Variants in PTGER3 observed in about 807,000 individuals in gnomAD.
The protein encoded by PTGER3 is prostaglandin E receptor 3.
PTGER3 carries 22 observed loss-of-function variants against 34.7 expected under a neutral mutation model. That is an observed-to-expected ratio of 0.63 (90% CI 0.45 to 0.91). PTGER3 has a LOEUF of 0.91. Among genes scored for constraint, PTGER3 ranks in the 40% least tolerant of loss-of-function variants. The pLI is 0.00. For synonymous variants in PTGER3, 241 were observed against 230.1 expected, an observed-to-expected ratio of 1.05 and a Z score of -0.43; for missense variants, 468 against 519.4, an observed-to-expected ratio of 0.90 and a Z score of 0.96.
At chr1:71,011,749 C>G in intron 2 of PTGER3, 1 of 982,938 alleles carries the variant, frequency 1.0e-6, no homozygotes, top group Non-Finnish European at 1.2e-6. Context: ...TGTAATTAAA[C>G]TTTTCTTTAA....
intron 4 of PTGER3, among the ~76,000 whole-genome samples, chr1:70,913,258 TATAA>T (rs924222907): frequency 6.6e-6 from 1 of 151,986 alleles, no homozygotes; most frequent in African/African-American, 2.4e-5. Flanking sequence ...TTGATGCTAT[TATAA>T]ATGGTATTGT....
chr1:70,886,791 A>G (rs1447376814), intron 4 of PTGER3, among the ~76,000 whole-genome samples: 1 of 152,224 alleles, frequency 6.6e-6, no homozygotes, highest in Non-Finnish European at 1.5e-5. Context: ...CTGGATGCTC[A>G]ATAAATATGG....
At chr1:70,935,310 C>G (rs906373952) in intron 4 of PTGER3, among the ~76,000 whole-genome samples, 3 of 152,140 alleles carry the variant, frequency 2.0e-5, no homozygotes, top group African/African-American at 7.2e-5. Flanking sequence ...CTCTAATTAT[C>G]ATCTAGTCAG....
intron 2 of PTGER3, among the ~76,000 whole-genome samples, chr1:71,001,251 C>G (rs1450649046): frequency 6.6e-6 from 1 of 151,964 alleles, no homozygotes; most frequent in Non-Finnish European, 1.5e-5. Flanking sequence ...CTTGCTCCTT[C>G]ACACACACAC....
rs1259008778 is a variant in PTGER3 at position 71,047,638 on chromosome 1, C to A, written c.-61G>T. ...GAGCCGCAGCGGGAGGGGGCAGACG[C>A]GGCGCGGGCGGCGGCGGAGGTCGGC... On this transcript the variant is annotated 5_prime_UTR_variant, in exon 1 of 4. Coordinates refer to ENST00000306666, the MANE Select transcript of PTGER3 (RefSeq NM_198719.2). 1 of 1,450,234 alleles carries A rather than the reference C, an allele frequency of 6.9e-7. No homozygotes were observed. Among genetic ancestry groups the A allele is most frequent in the Non-Finnish European group, 9.1e-7 (1 of 1,097,596 alleles). 89.8% of individuals were successfully genotyped at this position (1,450,234 alleles called of 1,614,324 possible).
downstream of PTGER3, among the ~76,000 whole-genome samples, chr1:70,967,406 G>A (rs1652637428): frequency 6.6e-6 from 1 of 151,924 alleles, no homozygotes; most frequent in Admixed American, 6.6e-5. Flanking sequence ...CTTACAATGT[G>A]GTTGAGATTT....
chr1:70,959,516 A>G (rs1651706846), intron 2 of PTGER3, among the ~76,000 whole-genome samples: 1 of 151,958 alleles, frequency 6.6e-6, no homozygotes, highest in Non-Finnish European at 1.5e-5. Flanking sequence ...AACTGCCACC[A>G]TGCTTGACTA....
chr1:70,872,585 T>G (rs1646185472), intron 4 of PTGER3, among the ~76,000 whole-genome samples: 4 of 152,174 alleles, frequency 2.6e-5, no homozygotes, highest in African/African-American at 9.7e-5. Flanking sequence ...CTTGGAGAAA[T>G]TAAGTAAGAT....
chr1:71,035,144 T>G (rs958702780), intron 1 of PTGER3, among the ~76,000 whole-genome samples: 1 of 152,212 alleles, frequency 6.6e-6, no homozygotes, highest in Non-Finnish European at 1.5e-5. Flanking sequence ...AAATATTAGA[T>G]GAGTTGTTTT....
intron 4 of PTGER3, among the ~76,000 whole-genome samples, chr1:70,940,165 A>G (rs917701681): frequency 6.6e-6 from 1 of 152,216 alleles, no homozygotes; most frequent in Non-Finnish European, 1.5e-5. Flanking sequence ...AAATGCCACC[A>G]GTTTCTTTGC....
chr1:71,002,864 A>G (rs2100819806), intron 2 of PTGER3, among the ~76,000 whole-genome samples: 1 of 152,356 alleles, frequency 6.6e-6, no homozygotes, highest in East Asian at 1.9e-4. Flanking sequence ...TCTCCTAAGA[A>G]GAAGACTCCA....
chr1:70,875,902 G>A (rs1024485916), intron 4 of PTGER3, among the ~76,000 whole-genome samples: 2 of 152,056 alleles, frequency 1.3e-5, no homozygotes, highest in Admixed American at 6.6e-5. Context: ...ATAGACATAC[G>A]CACCCATGAG....
intron 4 of PTGER3, among the ~76,000 whole-genome samples, chr1:70,892,312 A>G (rs1646635254): frequency 2.0e-5 from 3 of 152,238 alleles, no homozygotes; most frequent in Non-Finnish European, 4.4e-5. Flanking sequence ...TAAGGTTTAA[A>G]CAAGATAAGG....
chr1:70,911,277 C>CT (rs954108573), intron 4 of PTGER3, among the ~76,000 whole-genome samples: 1 of 150,894 alleles, frequency 6.6e-6, no homozygotes, highest in South Asian at 2.1e-4. Flanking sequence ...CACTGTCAGA[C>CT]TTTTTTTTGT....
intron 4 of PTGER3, among the ~76,000 whole-genome samples, chr1:70,928,103 TGAA>T (rs1416767945): frequency 1.3e-5 from 2 of 148,524 alleles, no homozygotes; most frequent in African/African-American, 4.9e-5. Flanking sequence ...CTGTTAACAA[TGAA>T]GAAATCCATT....
At chr1:70,879,404 A>G (rs189272759) in intron 4 of PTGER3, among the ~76,000 whole-genome samples, 2 of 152,106 alleles carry the variant, frequency 1.3e-5, no homozygotes, top group East Asian at 3.9e-4. Context: ...GAGCCACAGC[A>G]TCTGGCTAAT....
chr1:70,971,327 C>T lies in PTGER3; in HGVS notation c.*403G>A, dbSNP rs943926017. The T allele has an allele frequency of 1.7e-5, 17 of 992,304 alleles. No homozygotes were observed. In the African/African-American group the frequency reaches 2.8e-4, roughly 16 times the overall value. The allele number at this position is 992,304 out of a possible 1,614,324, so 61.5% of individuals were successfully genotyped here. ...GACTTTTCACCATCATAAGCTTATA[C>T]TGATTTTTCAAACTCATATTGCAAA... On this transcript the variant is annotated 3_prime_UTR_variant, in exon 4 of 4. Transcript: ENST00000306666.
intron 4 of PTGER3, among the ~76,000 whole-genome samples, chr1:70,870,209 C>G (rs1440093742): frequency 1.3e-5 from 2 of 152,192 alleles, no homozygotes; most frequent in Non-Finnish European, 2.9e-5. Flanking sequence ...GCTTCCTGAG[C>G]TACTCCTGGG....
chr1:71,007,234 A>G, intron 2 of PTGER3: 1 of 985,300 alleles, frequency 1.0e-6, no homozygotes, highest in South Asian at 4.7e-5. Context: ...CCATGTAAAT[A>G]GTACTTACAT....
Sources: gnomAD v4.1 joint callset for allele counts (sites outside exome capture counted in the v4.1 genomes callset) on GRCh38, gnomAD v4.1.1 for gene constraint, MANE v1.5 for transcripts, NCBI Gene and HGNC (gene_info 2026-07-23, HGNC 2026-07-21) for gene names.